Variants in NEURL1 observed in about 807,000 individuals in gnomAD.
NEURL1 encodes neuralized E3 ubiquitin protein ligase 1.
NEURL1 carries 26 observed loss-of-function variants against 41.2 expected under a neutral mutation model. The observed-to-expected ratio is 0.63, with a 90% CI of 0.46 to 0.87. NEURL1 has a LOEUF of 0.87. NEURL1 is among the 40% of genes least tolerant of loss of function. The probability of loss-of-function intolerance (pLI) is 0.00; values close to 1 mark genes in which losing one functional copy is unlikely to be tolerated. For missense variants in NEURL1, 761 were observed against 871.1 expected (o/e 0.87, Z 1.59); for synonymous variants, 400 against 402.3 (o/e 0.99, Z 0.07).
rs1228630032 is a variant in NEURL1 at position 103,583,705 on chromosome 10, CAAAAAAAAAAA to C, written c.650-814_650-804del. Among the ~76,000 whole-genome samples, 5 of 19,560 alleles carry C rather than the reference CAAAAAAAAAAA, an allele frequency of 2.6e-4. No individual in the cohort carries two copies. The East Asian group carries it at 6.1e-3, about 24-fold the overall frequency. 12.8% of individuals were successfully genotyped at this position (19,560 alleles called of 152,430 possible). ...TGGGCCACAGAGCAAGATCCTGTCT[CAAAAAAAAAAA>C]AAAAAAAAAAAAAAAAGCCAAACAA... On this transcript the variant is annotated intron_variant, in intron 3 of 5. Transcript: ENST00000369780.
intron 1 of NEURL1, among the ~76,000 whole-genome samples, chr10:103,536,080 T>C (rs1016104937): frequency 1.3e-5 from 2 of 152,028 alleles, no homozygotes; most frequent in African/African-American, 4.8e-5. Context: ...GCCAAGGTGT[T>C]GATGGGGGTT....
In NEURL1 at chr10:103,584,984, G is replaced by A. The variant is rs776228064; in HGVS notation, c.1098G>A (p.Arg366=). Residue 366 remains arginine (R), a synonymous_variant, in exon 4 of 6, where the codon CGG becomes CGA. Coordinates refer to ENST00000369780, the MANE Select transcript of NEURL1 (RefSeq NM_004210.5). ...GVTTCDPGTL[R]PADLPFSPEA... Reference sequence around the variant, plus strand: ...CCACGTGCGACCCCGGCACGCTGCGGCCGGCCGACCTGCCTTTCAGCCCTG... The same window carrying A: ...CCACGTGCGACCCCGGCACGCTGCGACCGGCCGACCTGCCTTTCAGCCCTG... 8.9e-5 allele frequency: 137 copies of A among 1,537,926 alleles called. No homozygotes were observed. The highest frequency in any genetic ancestry group is 1.2e-4 in the Non-Finnish European group (135 of 1,151,992).
At chr10:103,515,841 T>C (rs1048975667) in intron 1 of NEURL1, among the ~76,000 whole-genome samples, 7 of 152,116 alleles carry the variant, frequency 4.6e-5, no homozygotes, top group African/African-American at 1.4e-4. Context: ...AGACCACTTA[T>C]GAAGGAAGTG....
chr10:103,590,542 G>T lies in NEURL1; in HGVS notation c.*170G>T. ...AGGTTTGGGGAGAGGGGGGTATCAG[G>T]CAGGGAGGGGGCAGAGGCAAATCAC... On this transcript the variant is annotated 3_prime_UTR_variant, in exon 6 of 6. Transcript: ENST00000369780. 1 of 616,218 alleles carries T rather than the reference G, an allele frequency of 1.6e-6. No homozygotes were observed. The highest frequency in any genetic ancestry group is 2.0e-5 in the South Asian group (1 of 50,890). 38.2% of individuals were successfully genotyped at this position (616,218 alleles called of 1,614,324 possible).
At position 103,585,221 on chromosome 10, in the gene NEURL1, C is replaced by T; in HGVS notation, c.1335C>T (p.Ile445=). The change falls in exon 4 of 6, where the codon ATC becomes ATT. Residue 445 remains isoleucine (I), a synonymous_variant. Coordinates refer to ENST00000369780, the MANE Select transcript of NEURL1 (RefSeq NM_004210.5). ...ACGGGACCATCACGCAGATCCGCATCCTCGGTGAGTGCCCGCAGCTGCGCC... is the reference window on the plus strand; with the variant it reads ...ACGGGACCATCACGCAGATCCGCATTCTCGGTGAGTGCCCGCAGCTGCGCC... ...GLHGTITQIR[I]LGSTILAERG... The T allele has an allele frequency of 2.6e-6, 4 of 1,526,932 alleles. No individual in the cohort carries two copies. Among genetic ancestry groups the T allele is most frequent in the Non-Finnish European group, 1.8e-6 (2 of 1,138,612 alleles). The allele number at this position is 1,526,932 out of a possible 1,614,324, so 94.6% of individuals were successfully genotyped here.
At chr10:103,500,878 A>G (rs1180977582) in intron 1 of NEURL1, among the ~76,000 whole-genome samples, 1 of 152,132 alleles carries the variant, frequency 6.6e-6, no homozygotes, top group Non-Finnish European at 1.5e-5. Flanking sequence ...CAGGGTCCTC[A>G]AGATCTGAGA....
At chr10:103,506,644 C>G (rs1414036315) in intron 1 of NEURL1, among the ~76,000 whole-genome samples, 1 of 151,834 alleles carries the variant, frequency 6.6e-6, no homozygotes, top group Non-Finnish European at 1.5e-5. Context: ...ACTGCAGCCT[C>G]CACCTCCCGG....
rs758497032 is a variant in NEURL1 at position 103,584,705 on chromosome 10, C to G, written c.819C>G (p.Ile273Met). The change falls in exon 4 of 6, where the codon ATC (isoleucine) becomes ATG (methionine). Residue 273 changes from isoleucine (I) to methionine (M), a missense_variant. Physicochemically the swap from Ile to Met is conservative, Grantham distance 10. Transcript: ENST00000369780. ...CCGCGCCGGCCGCCGGCTGCCCCAT[C>G]CCGCAGAACTCACTCAACTCGCAGC... is the stretch of plus-strand genomic sequence containing the variant. The part of the protein sequence containing the change: ...DEAAPAAGCP[I>M]PQNSLNSQHS... 16 of 1,455,460 alleles carry G rather than the reference C, an allele frequency of 1.1e-5. No homozygotes were observed. The highest frequency in any genetic ancestry group is 2.7e-5 in the South Asian group (2 of 73,808). 90.2% of individuals were successfully genotyped at this position (1,455,460 alleles called of 1,614,324 possible).
At chr10:103,518,043 C>A (rs1388922752) in intron 1 of NEURL1, among the ~76,000 whole-genome samples, 1 of 152,220 alleles carries the variant, frequency 6.6e-6, no homozygotes, top group Non-Finnish European at 1.5e-5. Flanking sequence ...GATCCATGAA[C>A]AGTCAATTTC....
intron 1 of NEURL1, among the ~76,000 whole-genome samples, chr10:103,565,605 C>T (rs539263309): frequency 6.6e-6 from 1 of 152,296 alleles, no homozygotes; most frequent in East Asian, 1.9e-4. Flanking sequence ...CCTCTCTTCT[C>T]TCCGTCTGAA....
chr10:103,571,904 C>T (rs1333038962), intron 3 of NEURL1, 82 bp downstream of exon 3: 7 of 1,363,046 alleles, frequency 5.1e-6, no homozygotes, highest in Middle Eastern at 2.4e-4. Flanking sequence ...TGTTCAATCC[C>T]ATCAGGCGTA....
chr10:103,554,232 G>A (rs894249918), intron 1 of NEURL1, among the ~76,000 whole-genome samples: 1 of 152,190 alleles, frequency 6.6e-6, no homozygotes, highest in Non-Finnish European at 1.5e-5. Context: ...TGAGTGTGGG[G>A]TGCCAGTGTC....
intron 1 of NEURL1, among the ~76,000 whole-genome samples, chr10:103,559,942 A>G (rs1039286957): frequency 6.6e-6 from 1 of 151,750 alleles, no homozygotes; most frequent in African/African-American, 2.4e-5. Flanking sequence ...ACACACATGC[A>G]CACACACGTA....
At chr10:103,567,606 C>T (rs1302087922) in intron 1 of NEURL1, among the ~76,000 whole-genome samples, 4 of 152,046 alleles carry the variant, frequency 2.6e-5, no homozygotes, top group African/African-American at 9.7e-5. Context: ...TTTTGTTCCC[C>T]AAGCCGGTCT....
chr10:103,553,062 G>T (rs1413438128), intron 1 of NEURL1, among the ~76,000 whole-genome samples: 1 of 152,210 alleles, frequency 6.6e-6, no homozygotes, highest in Non-Finnish European at 1.5e-5. Context: ...CATGTGCGAG[G>T]GATTGGTGGG....
rs897306082 is a variant in NEURL1 at position 103,494,112 on chromosome 10, C to T, written c.-276C>T. On this transcript the variant is annotated 5_prime_UTR_variant, in exon 1 of 6. Coordinates refer to ENST00000369780, the MANE Select transcript of NEURL1 (RefSeq NM_004210.5). The stretch of plus-strand genomic sequence containing the variant: ...GAGCCCCGGGCGTCCCCGGCCCCGG[C>T]CCAGGGCCCTGCTTGTGGCCCCCGC... 14 of 360,032 alleles carry T rather than the reference C, an allele frequency of 3.9e-5. No homozygotes were observed. Among genetic ancestry groups the T allele is most frequent in the Non-Finnish European group, 6.0e-5 (12 of 199,514 alleles). The allele number at this position is 360,032 out of a possible 1,614,324, so 22.3% of individuals were successfully genotyped here. A position where few individuals can be genotyped will look rare whatever the true frequency, so the allele number is the denominator to read the frequency against.
intron 3 of NEURL1, among the ~76,000 whole-genome samples, chr10:103,578,097 C>T (rs1330526585): frequency 2.6e-5 from 4 of 152,022 alleles, no homozygotes; most frequent in Non-Finnish European, 4.4e-5. Context: ...ATGCAGGAGA[C>T]CCACTGAATC....
intron 3 of NEURL1, among the ~76,000 whole-genome samples, chr10:103,575,308 C>A (rs954570705): frequency 6.6e-6 from 1 of 152,168 alleles, no homozygotes; most frequent in African/African-American, 2.4e-5. Flanking sequence ...TGCTGTCTCT[C>A]TTCTGAAGAA....
chr10:103,581,629 G>A (rs979298538), intron 3 of NEURL1, among the ~76,000 whole-genome samples: 1 of 152,156 alleles, frequency 6.6e-6, no homozygotes, highest in Non-Finnish European at 1.5e-5. Flanking sequence ...GTATATGAAT[G>A]TTGGTTACTG....
Sources: gnomAD v4.1 joint callset for allele counts (sites outside exome capture counted in the v4.1 genomes callset) on GRCh38, gnomAD v4.1.1 for gene constraint, MANE v1.5 for transcripts, NCBI Gene and HGNC (gene_info 2026-07-23, HGNC 2026-07-21) for gene names.